The following INTS8 variants were observed in gnomAD, a reference collection of about 807,000 sequenced individuals.
The protein encoded by INTS8 is protein kaonashi-1.
Under a neutral mutation model 138.9 loss-of-function variants are expected in INTS8, and 47 were observed. That is an observed-to-expected ratio of 0.34 (90% CI 0.27 to 0.43). The LOEUF (loss-of-function observed/expected upper bound fraction) is 0.43. INTS8 is among the 20% of genes least tolerant of loss of function. The pLI, the probability that INTS8 is intolerant of heterozygous loss-of-function variation, is 1.00. For synonymous variants in INTS8, 392 were observed against 400.9 expected, an observed-to-expected ratio of 0.98 and a Z score of 0.27; for missense variants, 996 against 1,173.0, an observed-to-expected ratio of 0.85 and a Z score of 2.20.
chr8:94,869,425 T>G (rs1441464022), intron 20 of INTS8, among the ~76,000 whole-genome samples: 1 of 152,108 alleles, frequency 6.6e-6, no homozygotes, highest in African/African-American at 2.4e-5. Context: ...CTTCCAGGTT[T>G]GAGCAATTAC....
At chr8:94,871,314 A>C (rs1816389064) in intron 20 of INTS8, among the ~76,000 whole-genome samples, 1 of 12,624 alleles carries the variant, frequency 7.9e-5, no homozygotes, top group Non-Finnish European at 1.6e-4. Flanking sequence ...TAAAAATACA[A>C]AAAAAAAAAA....
intron 2 of INTS8, 52 bp downstream of exon 2, chr8:94,825,119 GTTT>G: frequency 7.8e-7 from 1 of 1,277,348 alleles, no homozygotes; most frequent in Non-Finnish European, 1.1e-6. Flanking sequence ...AGATATCTTG[GTTT>G]ATTTCTATAT....
intron 26 of INTS8, among the ~76,000 whole-genome samples, chr8:94,877,123 A>G (rs1197796239): frequency 6.6e-6 from 1 of 152,222 alleles, no homozygotes; most frequent in Non-Finnish European, 1.5e-5. Context: ...GTTGGTCCCT[A>G]GAATGGTGCC....
intron 20 of INTS8, 85 bp from the exon 21 acceptor site, chr8:94,871,799 G>A: frequency 1.3e-6 from 1 of 768,996 alleles, no homozygotes; most frequent in Non-Finnish European, 2.3e-6. Flanking sequence ...AATCTTGGCT[G>A]AGTTTTTGTT....
chr8:94,841,541 C>A lies in INTS8; in HGVS notation c.1068C>A (p.Val356=). Residue 356 remains valine, a synonymous_variant, in exon 9 of 27, where the codon GTC becomes GTA. Coordinates refer to ENST00000523731, the MANE Select transcript of INTS8 (RefSeq NM_017864.4). ...IEDNLTLSLP[V]QFRQSVLREL... is the part of the protein sequence containing the mutation. ...ACAACTTAACCTTGAGTTTACCTGT[C>A]CAGTTCCGACAGTCAGTCCTAAGAG... The A allele has an allele frequency of 6.2e-7, 1 of 1,609,456 alleles. No homozygotes were observed. The highest frequency in any genetic ancestry group is 8.5e-7 in the Non-Finnish European group (1 of 1,176,950).
chr8:94,825,165 G>T, intron 2 of INTS8, 98 bp downstream of exon 2: 3 of 864,250 alleles, frequency 3.5e-6, no homozygotes, highest in Non-Finnish European at 3.6e-6. Flanking sequence ...TAAAAATTAC[G>T]TGCTGGGCGC....
At chr8:94,848,310 G>T (rs1382510019) in intron 10 of INTS8, among the ~76,000 whole-genome samples, 1 of 152,084 alleles carries the variant, frequency 6.6e-6, no homozygotes, top group East Asian at 1.9e-4. Flanking sequence ...ACCGCACCAA[G>T]CCTGTTTTTT....
At chr8:94,873,036 C>T (rs973512358) in intron 21 of INTS8, among the ~76,000 whole-genome samples, 2 of 152,178 alleles carry the variant, frequency 1.3e-5, no homozygotes, top group African/African-American at 4.8e-5. Context: ...TTTTAATGCT[C>T]ATTTCCACCC....
At chr8:94,840,913 AT>A (rs59714366) in intron 8 of INTS8, among the ~76,000 whole-genome samples, 21,835 of 131,350 alleles carry the variant, frequency 0.17, 1,505 homozygotes, top group Middle Eastern at 0.28. Flanking sequence ...GAGAATAATA[AT>A]TTTTTTTTTT....
At chr8:94,874,399 C>A (rs1210050798) in intron 22 of INTS8, among the ~76,000 whole-genome samples, 153 bp from the exon 23 acceptor site, 1 of 152,040 alleles carries the variant, frequency 6.6e-6, no homozygotes, top group Admixed American at 6.6e-5. Context: ...CTTTTAAGTT[C>A]ACAGCAAAAT....
intron 23 of INTS8, among the ~76,000 whole-genome samples, chr8:94,874,918 A>C (rs185146581): frequency 3.9e-5 from 6 of 152,252 alleles, no homozygotes; most frequent in Admixed American, 2.6e-4. Flanking sequence ...ACCACTTCCT[A>C]CCCACTGGGA....
intron 2 of INTS8, 150 bp from the exon 3 acceptor site, chr8:94,827,113 G>C (rs1482194906): frequency 3.0e-6 from 2 of 658,104 alleles, no homozygotes; most frequent in African/African-American, 3.7e-5. Context: ...TCAAAAAAAA[G>C]AAAAAAAAAC....
chr8:94,851,696 A>C lies in INTS8; in HGVS notation c.1641+10A>C. The C allele has an allele frequency of 1.3e-6, 2 of 1,578,020 alleles. No individual in the cohort carries two copies. The highest frequency in any genetic ancestry group is 1.4e-5 in the African/African-American group (1 of 72,462). ...GACAGTGTCTAATAAGGTAAACCCT[A>C]TGTCAAGAACAGATAAGAAAATTGC... On this transcript the variant is annotated intron_variant, in intron 13 of 26. Coordinates refer to ENST00000523731, the MANE Select transcript of INTS8 (RefSeq NM_017864.4).
rs1320358695 is a variant in INTS8 at position 94,859,626 on chromosome 8, T to C, written c.2070T>C (p.Tyr690=). The change falls in exon 16 of 27, where the codon TAT becomes TAC. Residue 690 remains tyrosine (Y), a synonymous_variant. Coordinates refer to ENST00000523731, the MANE Select transcript of INTS8 (RefSeq NM_017864.4). ...VPAFLLQSNP[Y]VKLGQLLAAT... is the part of the protein sequence containing the mutation. ...CATTTTTGCTTCAGAGTAATCCATA[T>C]GTAAAGGTAGTTAATGTTTAAATAA... The C allele has an allele frequency of 1.2e-6, 2 of 1,607,266 alleles. No individual in the cohort carries two copies. Among genetic ancestry groups the C allele is most frequent in the Admixed American group, 3.3e-5 (2 of 59,986 alleles).
intron 4 of INTS8, 39 bp from the exon 5 acceptor site, chr8:94,828,935 TA>T: frequency 7.3e-7 from 1 of 1,364,592 alleles, no homozygotes; most frequent in South Asian, 1.2e-5. Context: ...GTCTTGAGAG[TA>T]ACTTTTGATA....
intron 26 of INTS8, among the ~76,000 whole-genome samples, chr8:94,879,371 A>G (rs954607742): frequency 5.3e-5 from 8 of 152,136 alleles, no homozygotes; most frequent in African/African-American, 1.9e-4. Flanking sequence ...GAGGTGGCGG[A>G]TCACCTGAGG....
Position 94,867,019 on chromosome 8 carries a change from G to C in INTS8, c.2296-121G>C, listed in dbSNP as rs1816202264. ...GTGTGCTAAAGCACATGCTAAAACA[G>C]ATGCTACATTTTCAAAAGGCAAGGG... is the stretch of plus-strand genomic sequence containing the variant. On this transcript the variant is annotated intron_variant, in intron 18 of 26. Transcript: ENST00000523731. 6 of 767,800 alleles carry C rather than the reference G, an allele frequency of 7.8e-6. No individual in the cohort carries two copies. In the East Asian group the frequency reaches 8.1e-5, roughly 10 times the overall value. The allele number at this position is 767,800 out of a possible 1,614,324, so 47.6% of individuals were successfully genotyped here. A position where few individuals can be genotyped will look rare whatever the true frequency, so the allele number is the denominator to read the frequency against.
rs369174492 is a variant in INTS8, at chr8:94,865,664, G to A, written c.2235G>A (p.Arg745=). The change falls in exon 17 of 27, where the codon AGG becomes AGA. Residue 745 remains arginine (R), a synonymous_variant. Coordinates refer to ENST00000523731, the MANE Select transcript of INTS8 (RefSeq NM_017864.4). ...GCAGAGTTAGTTTAATAAAACAGAG[G>A]GAATCTACGTTAGGTATCATGTATC... is the stretch of plus-strand genomic sequence containing the variant. The part of the protein sequence containing the change: ...NDGRVSLIKQ[R]ESTLGIMYRS... 2.0e-5 allele frequency: 33 copies of A among 1,613,768 alleles called. 2 individuals carry two copies. In the South Asian group the frequency reaches 2.7e-4, roughly 13 times the overall value.
chr8:94,849,781 T>C, intron 11 of INTS8, 135 bp from the exon 12 acceptor site: 1 of 648,010 alleles, frequency 1.5e-6, no homozygotes, highest in Non-Finnish European at 2.5e-6. Flanking sequence ...AATTTTAAAA[T>C]CTATTTTAAA....
Sources: allele counts gnomAD v4.1 joint callset (sites outside exome capture counted in the v4.1 genomes callset), GRCh38; gene constraint gnomAD v4.1.1; transcripts MANE v1.5; gene names NCBI Gene and HGNC (gene_info 2026-07-23, HGNC 2026-07-21).